GALNT13: variants seen among roughly 807,000 people sequenced by gnomAD.
GALNT13 encodes the protein UDP-GalNAc:polypeptide N-acetylgalactosaminyltransferase 13.
A neutral mutation model predicts 64.2 loss-of-function variants in GALNT13; 28 were observed. The observed-to-expected ratio is 0.44, with a 90% confidence interval of 0.32 to 0.60. GALNT13 has a LOEUF of 0.60. GALNT13 is among the 20% of genes least tolerant of loss of function. The pLI, the probability that GALNT13 is intolerant of heterozygous loss-of-function variation, is 0.05. For missense variants in GALNT13, 577 were observed against 669.8 expected (o/e 0.86, Z 1.53); for synonymous variants, 214 against 224.6 (o/e 0.95, Z 0.42).
At chr2:154,200,305 A>G (rs546597774) in intron 4 of GALNT13, among the ~76,000 whole-genome samples, 7 of 152,152 alleles carry the variant, frequency 4.6e-5, no homozygotes, top group Non-Finnish European at 8.8e-5. Flanking sequence ...TGCATTAACT[A>G]TGGAGATGGG....
chr2:154,417,517 A>ATTTATTTATTTT (rs1553529856), intron 11 of GALNT13, among the ~76,000 whole-genome samples: 10 of 127,124 alleles, frequency 7.9e-5, no homozygotes, highest in East Asian at 4.6e-4. Context: ...TTATTTATTT[A>ATTTATTTATTTT]TTTATTTTTT....
At chr2:153,085,387 A>G in the GALNT13 span, among the ~76,000 whole-genome samples, 1 of 152,166 alleles carries the variant, frequency 6.6e-6, no homozygotes, top group Non-Finnish European at 1.5e-5. Context: ...CCTTTATGGC[A>G]GTTCCTTCCA....
At chr2:153,144,240 A>G in the GALNT13 span, among the ~76,000 whole-genome samples, 4 of 151,892 alleles carry the variant, frequency 2.6e-5, no homozygotes, top group African/African-American at 4.8e-5. Context: ...ATATGGTGCA[A>G]TGGAAGCAGG....
chr2:153,069,599 T>A, the GALNT13 span, among the ~76,000 whole-genome samples: 103 of 152,298 alleles, frequency 6.8e-4, 3 homozygotes, highest in South Asian at 0.021. Flanking sequence ...CTCAGTGGAA[T>A]CACAGAGCTA....
chr2:154,299,759 G>A (rs1693319088), intron 8 of GALNT13, among the ~76,000 whole-genome samples: 4 of 151,934 alleles, frequency 2.6e-5, no homozygotes, highest in African/African-American at 7.2e-5. Context: ...CACCGCGCCC[G>A]GCCTGAAATA....
At chr2:154,417,340 G>T (rs574078566) in intron 11 of GALNT13, among the ~76,000 whole-genome samples, 2 of 149,292 alleles carry the variant, frequency 1.3e-5, no homozygotes, top group East Asian at 2.0e-4. Flanking sequence ...GATAAAATTG[G>T]CATTGTTTAC....
At chr2:153,809,670 T>A in the GALNT13 span, among the ~76,000 whole-genome samples, 1 of 152,206 alleles carries the variant, frequency 6.6e-6, no homozygotes, top group South Asian at 2.1e-4. Flanking sequence ...AGGCATATCT[T>A]AACATAATTT....
the GALNT13 span, among the ~76,000 whole-genome samples, chr2:153,251,718 G>A: frequency 2.0e-5 from 3 of 150,032 alleles, no homozygotes; most frequent in Admixed American, 1.3e-4. Flanking sequence ...AGAATATGCG[G>A]TGTTTGGTTT....
intron 4 of GALNT13, among the ~76,000 whole-genome samples, chr2:154,188,337 G>A (rs922411047): frequency 4.6e-5 from 7 of 152,088 alleles, no homozygotes; most frequent in African/African-American, 1.7e-4. Context: ...AGCTGAGGAA[G>A]GGATGGATAC....
chr2:154,408,936 A>G, intron 10 of GALNT13, 48 bp from the exon 11 acceptor site: 1 of 1,134,970 alleles, frequency 8.8e-7, no homozygotes, highest in Non-Finnish European at 1.3e-6. Context: ...GACTTAAATA[A>G]CTGTCTGATT....
intron 9 of GALNT13, among the ~76,000 whole-genome samples, chr2:154,384,642 G>A (rs902779109): frequency 6.6e-6 from 1 of 151,786 alleles, no homozygotes; most frequent in Non-Finnish European, 1.5e-5. Flanking sequence ...TATAAGCAAA[G>A]GAATTGATCA....
At chr2:154,269,226 T>G (rs1481467423) in intron 8 of GALNT13, among the ~76,000 whole-genome samples, 1 of 152,072 alleles carries the variant, frequency 6.6e-6, no homozygotes, top group Non-Finnish European at 1.5e-5. Flanking sequence ...TTAAAAATAC[T>G]TAAAGAAAGT....
At chr2:154,298,590 A>G (rs373057634) in intron 8 of GALNT13, among the ~76,000 whole-genome samples, 1 of 7,206 alleles carries the variant, frequency 1.4e-4, no homozygotes, top group African/African-American at 2.8e-4. Flanking sequence ...TATATAATTT[A>G]TATATACAAT....
intron 11 of GALNT13, among the ~76,000 whole-genome samples, chr2:154,410,146 A>G (rs982068688): frequency 6.6e-6 from 1 of 151,956 alleles, no homozygotes; most frequent in African/African-American, 2.4e-5. Flanking sequence ...GATAGAAACA[A>G]CATAGGCAGA....
At chr2:154,290,820 G>A (rs1303310897) in intron 8 of GALNT13, among the ~76,000 whole-genome samples, 1 of 152,040 alleles carries the variant, frequency 6.6e-6, no homozygotes, top group East Asian at 1.9e-4. Context: ...CTTCTGGTGC[G>A]TTCATGGTCT....
At chr2:153,288,543 G>A in the GALNT13 span, among the ~76,000 whole-genome samples, 182 of 152,264 alleles carry the variant, frequency 1.2e-3, no homozygotes, top group Middle Eastern at 6.8e-3. Context: ...TGTTCGCTCT[G>A]TATATGTCTC....
the GALNT13 span, among the ~76,000 whole-genome samples, chr2:153,205,189 T>G: frequency 6.6e-6 from 1 of 151,808 alleles, no homozygotes; most frequent in Non-Finnish European, 1.5e-5. Context: ...TTTTTTTTTT[T>G]TTTTGTAAAC....
the GALNT13 span, among the ~76,000 whole-genome samples, chr2:153,442,698 A>T: frequency 6.6e-6 from 1 of 152,054 alleles, no homozygotes; most frequent in African/African-American, 2.4e-5. Context: ...TTTTACCTAT[A>T]AGCCCCTGAC....
the GALNT13 span, among the ~76,000 whole-genome samples, chr2:153,587,265 A>T: frequency 6.6e-6 from 1 of 151,984 alleles, no homozygotes; most frequent in Non-Finnish European, 1.5e-5. Flanking sequence ...CAGAAATTAA[A>T]AAATAAATAA....
Sources: gnomAD v4.1 joint callset for allele counts (sites outside exome capture counted in the v4.1 genomes callset) on GRCh38, gnomAD v4.1.1 for gene constraint, MANE v1.5 for transcripts, NCBI Gene and HGNC (gene_info 2026-07-23, HGNC 2026-07-21) for gene names.